Variants in CDH12 observed in about 807,000 individuals in gnomAD.
CDH12 encodes the protein cadherin 12.
CDH12 carries 41 observed loss-of-function variants against 74.1 expected under a neutral mutation model. The ratio of observed to expected loss-of-function variants is 0.55; its 90% CI spans 0.43 to 0.72. The LOEUF is 0.72. Ranked by LOEUF, CDH12 falls within the 30% of genes least tolerant of loss-of-function variation. The pLI, the probability that CDH12 is intolerant of heterozygous loss-of-function variation, is 0.00. For missense variants in CDH12, 945 were observed against 977.2 expected (o/e 0.97, Z 0.44); for synonymous variants, 399 against 355.0 (o/e 1.12, Z -1.39).
intron 2 of CDH12, among the ~76,000 whole-genome samples, chr5:22,432,140 T>G (rs1744199851): frequency 6.6e-6 from 1 of 152,160 alleles, no homozygotes; most frequent in Admixed American, 6.5e-5. Context: ...TTTTTATATT[T>G]TATATTGTAT....
At chr5:22,637,311 T>C (rs1413822231) in intron 1 of CDH12, among the ~76,000 whole-genome samples, 1 of 152,192 alleles carries the variant, frequency 6.6e-6, no homozygotes, top group Non-Finnish European at 1.5e-5. Context: ...TTATACCCTA[T>C]GGAAAACATG....
intron 5 of CDH12, among the ~76,000 whole-genome samples, chr5:22,070,559 AAGG>A (rs1741870486): frequency 6.6e-6 from 1 of 152,192 alleles, no homozygotes; most frequent in Admixed American, 6.6e-5. Context: ...CTTGAGCAAG[AAGG>A]AGTTCTTCCA....
At chr5:22,189,838 A>G (rs1750165260) in intron 4 of CDH12, among the ~76,000 whole-genome samples, 1 of 50,474 alleles carries the variant, frequency 2.0e-5, no homozygotes, top group African/African-American at 5.8e-5. Flanking sequence ...CCTCAGAAGC[A>G]TTACCACATC....
intron 4 of CDH12, among the ~76,000 whole-genome samples, chr5:22,098,621 A>G (rs192688035): frequency 5.9e-4 from 90 of 152,240 alleles, no homozygotes; most frequent in African/African-American, 1.9e-3. Flanking sequence ...TCTGCTCCCC[A>G]GCTCCTTCAG....
intron 2 of CDH12, among the ~76,000 whole-genome samples, chr5:22,474,904 A>C (rs1311204891): frequency 6.6e-6 from 1 of 152,032 alleles, no homozygotes; most frequent in Non-Finnish European, 1.5e-5. Flanking sequence ...TTAATGAACC[A>C]AACTAACAAA....
chr5:21,809,558 C>A (rs929489883), intron 9 of CDH12, among the ~76,000 whole-genome samples: 2 of 152,100 alleles, frequency 1.3e-5, no homozygotes, highest in African/African-American at 4.8e-5. Flanking sequence ...TATCTTCCTT[C>A]TTTGAGCTTC....
rs530104118 is a variant in CDH12 at position 22,126,863 on chromosome 5, C to T, written c.-186-48001G>A. Among the ~76,000 whole-genome samples, 14 of 152,258 alleles carry T rather than the reference C, an allele frequency of 9.2e-5. No homozygotes were observed. In the South Asian group the frequency reaches 2.1e-3, roughly 23 times the overall value. ...GTAAATGACCATTGCTCTTTATCAT[C>T]CCCAATGGCGTATAAAAAGGATGTT... On this transcript the variant is annotated intron_variant, in intron 4 of 14. Transcript: ENST00000382254.
At chr5:22,059,287 CTATCTATCATCT>C (rs1446856676) in intron 5 of CDH12, among the ~76,000 whole-genome samples, 3 of 151,386 alleles carry the variant, frequency 2.0e-5, no homozygotes, top group South Asian at 2.1e-4. Flanking sequence ...ATCTATCTAT[CTATCTATCATCT>C]ATCTATCTAT....
At chr5:22,814,788 G>A (rs994219472) in intron 1 of CDH12, among the ~76,000 whole-genome samples, 1 of 152,052 alleles carries the variant, frequency 6.6e-6, no homozygotes, top group African/African-American at 2.4e-5. Flanking sequence ...AATTTGATAA[G>A]TCTAATTTTA....
chr5:22,336,230 A>AATCATTCAGTTTT (rs1739575067), intron 3 of CDH12, among the ~76,000 whole-genome samples: 1 of 152,212 alleles, frequency 6.6e-6, no homozygotes, highest in Non-Finnish European at 1.5e-5. Flanking sequence ...GTGCTGTGAG[A>AATCATTCAGTTTT]ATCATTCAGT....
At chr5:22,374,716 A>G (rs1741445943) in intron 3 of CDH12, among the ~76,000 whole-genome samples, 1 of 152,112 alleles carries the variant, frequency 6.6e-6, no homozygotes, top group Non-Finnish European at 1.5e-5. Flanking sequence ...CAATAACTAT[A>G]AAAAATTAAA....
At chr5:21,824,903 C>T (rs1029119084) in intron 8 of CDH12, among the ~76,000 whole-genome samples, 1 of 152,122 alleles carries the variant, frequency 6.6e-6, no homozygotes, top group Non-Finnish European at 1.5e-5. Flanking sequence ...TCTGTAATCC[C>T]AGCACTTTGG....
intron 5 of CDH12, among the ~76,000 whole-genome samples, chr5:22,042,954 A>C (rs909386483): frequency 6.6e-6 from 1 of 151,988 alleles, no homozygotes; most frequent in African/African-American, 2.4e-5. Flanking sequence ...TAAAATAATA[A>C]TACAATCCTC....
At chr5:22,173,322 CTAATATAATTTATA>C (rs998198164) in intron 4 of CDH12, among the ~76,000 whole-genome samples, 3 of 144,016 alleles carry the variant, frequency 2.1e-5, no homozygotes, top group African/African-American at 7.5e-5. Context: ...TTTTATAAAT[CTAATATAATTTATA>C]TAATATAATT....
intron 4 of CDH12, among the ~76,000 whole-genome samples, chr5:22,142,046 A>G (rs1276100868): frequency 6.6e-6 from 1 of 152,142 alleles, no homozygotes; most frequent in Non-Finnish European, 1.5e-5. Context: ...GAAACTGAGG[A>G]TGGTGTTGCT....
At chr5:22,268,477 A>C (rs1230452529) in intron 3 of CDH12, among the ~76,000 whole-genome samples, 2 of 152,146 alleles carry the variant, frequency 1.3e-5, no homozygotes, top group Non-Finnish European at 2.9e-5. Flanking sequence ...CTTTATAGTC[A>C]GAAAACTTTT....
chr5:22,523,980 TA>T (rs952585025), intron 1 of CDH12, among the ~76,000 whole-genome samples: 14 of 129,282 alleles, frequency 1.1e-4, no homozygotes, highest in Admixed American at 2.9e-4. Flanking sequence ...TTATTATTAT[TA>T]TTTTTTTTTT....
At chr5:22,322,625 G>A (rs1738933608) in intron 3 of CDH12, among the ~76,000 whole-genome samples, 1 of 152,162 alleles carries the variant, frequency 6.6e-6, no homozygotes, top group Non-Finnish European at 1.5e-5. Flanking sequence ...TTAGGTCCAT[G>A]TGCACTTTAA....
intron 3 of CDH12, among the ~76,000 whole-genome samples, chr5:22,353,753 A>T (rs1376528934): frequency 6.6e-6 from 1 of 152,016 alleles, no homozygotes. Flanking sequence ...CTTCATCTCA[A>T]TTTTTGATTT....
Sources: allele counts gnomAD v4.1 joint callset (sites outside exome capture counted in the v4.1 genomes callset), GRCh38; gene constraint gnomAD v4.1.1; transcripts MANE v1.5; gene names NCBI Gene and HGNC (gene_info 2026-07-23, HGNC 2026-07-21).